BCAT2: variants seen among roughly 807,000 people sequenced by gnomAD.
The protein encoded by BCAT2 is branched-chain-amino-acid aminotransferase, mitochondrial.
BCAT2 carries 44 observed loss-of-function variants against 52.9 expected under a neutral mutation model. The ratio of observed to expected loss-of-function variants is 0.83; its 90% CI spans 0.65 to 1.07. The LOEUF is 1.07. Among genes scored for constraint, BCAT2 ranks in the 50% least tolerant of loss-of-function variants. BCAT2 has a pLI of 0.00. For synonymous variants in BCAT2, 215 were observed against 217.1 expected (o/e 0.99, Z 0.08); for missense variants, 478 against 521.8 (o/e 0.92, Z 0.82).
intron 10 of BCAT2, among the ~76,000 whole-genome samples, 178 bp from the exon 11 acceptor site, chr19:48,795,642 G>A (rs1479966482): frequency 3.3e-5 from 5 of 152,128 alleles, no homozygotes; most frequent in African/African-American, 1.2e-4. Context: ...CTAAGGCGGC[G>A]CAGAGGCTTC....
intron 6 of BCAT2, among the ~76,000 whole-genome samples, chr19:48,798,195 G>A (rs1031374265): frequency 2.0e-5 from 3 of 152,126 alleles, no homozygotes; most frequent in East Asian, 3.9e-4. Context: ...GTGAGCTACC[G>A]CGCCTGGCTC....
intron 6 of BCAT2, chr19:48,798,715 C>G (rs2034587457): frequency 6.6e-6 from 1 of 151,898 alleles, no homozygotes; most frequent in Admixed American, 6.6e-5. Flanking sequence ...AGCTCTGTCT[C>G]CTGGGTTCTC....
chr19:48,804,699 C>T (rs892769142), intron 3 of BCAT2, among the ~76,000 whole-genome samples: 2 of 152,172 alleles, frequency 1.3e-5, no homozygotes, highest in African/African-American at 2.4e-5. Context: ...CACAGCAGTG[C>T]GTTCTGTCTG....
chr19:48,797,440 C>A, intron 6 of BCAT2, 107 bp from the exon 7 acceptor site: 1 of 1,374,168 alleles, frequency 7.3e-7, no homozygotes, highest in South Asian at 1.3e-5. Flanking sequence ...GCTCACAGCT[C>A]TCACAGGGCT....
At chr19:48,797,154 T>G in intron 7 of BCAT2, 37 bp downstream of exon 7, 1 of 1,611,708 alleles carries the variant, frequency 6.2e-7, no homozygotes, top group Non-Finnish European at 8.5e-7. Context: ...GCCACCCACT[T>G]CCACCAGGGT....
Position 48,796,719 on chromosome 19 carries a change from C to G in BCAT2, c.925-1G>C, listed in dbSNP as rs762175962. On this transcript the variant is annotated splice_acceptor_variant, in intron 8 of 10. Transcript: ENST00000316273. LOFTEE classifies it high-confidence loss of function. The stretch of plus-strand genomic sequence containing the variant: ...TGCGCTCCACCACCCGGAACTCACC[C>G]TGCAGGGCAGTTGGCAGAGACACGT... 1 of 1,609,960 alleles carries G rather than the reference C, an allele frequency of 6.2e-7. No homozygotes were observed. The highest frequency in any genetic ancestry group is 8.5e-7 in the Non-Finnish European group (1 of 1,178,576).
At chr19:48,800,347 TGA>T in intron 3 of BCAT2, 50 bp from the exon 4 acceptor site, 1 of 1,515,578 alleles carries the variant, frequency 6.6e-7, no homozygotes, top group Non-Finnish European at 9.1e-7. Context: ...CAGACAGTCA[TGA>T]GAGACACCAA....
At chr19:48,806,473 GA>G (rs769538697) in intron 3 of BCAT2, 43 bp downstream of exon 3, 34 of 1,603,690 alleles carry the variant, frequency 2.1e-5, no homozygotes, top group Non-Finnish European at 2.8e-5. Context: ...CAAGGAGGAG[GA>G]GATGCAGACA....
chr19:48,795,941 GGCCAAAGGGATA>G (rs2034500405), intron 10 of BCAT2: 1 of 255,484 alleles, frequency 3.9e-6, no homozygotes, highest in African/African-American at 2.2e-5. Flanking sequence ...AGCTTTCTCC[GGCCAAAGGGATA>G]GCCCAGGGCT....
rs760180793 is a variant in BCAT2, at chr19:48,807,140, G to A, written c.25-66C>T. 7.6e-5 allele frequency: 102 copies of A among 1,348,216 alleles called. No individual in the cohort carries two copies. Among genetic ancestry groups the A allele is most frequent in the Non-Finnish European group, 9.8e-5 (95 of 965,404 alleles). 83.5% of individuals were successfully genotyped at this position (1,348,216 alleles called of 1,614,324 possible). On this transcript the variant is annotated intron_variant, in intron 1 of 10. Coordinates refer to ENST00000316273, the MANE Select transcript of BCAT2 (RefSeq NM_001190.4). The surrounding 1 kb of genome is among the most constrained non-coding windows in gnomAD (Gnocchi z 4.6). ...CAGCAGGGGCCCTGGCAGCTCGCTC[G>A]CCACCTCCTGCACTTGGAGGTCCCA... is the stretch of plus-strand genomic sequence containing the variant.
chr19:48,804,410 G>T (rs957671297), intron 3 of BCAT2, among the ~76,000 whole-genome samples: 2 of 151,896 alleles, frequency 1.3e-5, no homozygotes, highest in African/African-American at 4.8e-5. Context: ...CGGGTGTGGT[G>T]GCGGGCGCCT....
chr19:48,800,221 C>A lies in BCAT2; in HGVS notation c.377G>T (p.Arg126Leu), dbSNP rs1234657138. 1 of 1,613,758 alleles carries A rather than the reference C, an allele frequency of 6.2e-7. No homozygotes were observed. Among genetic ancestry groups the A allele is most frequent in the Non-Finnish European group, 8.5e-7 (1 of 1,180,026 alleles). Residue 126 changes from arginine to leucine, a missense_variant, in exon 4 of 11, where the codon CGG becomes CTG. By Grantham distance (102) the Arg-to-Leu change is moderately radical. Coordinates refer to ENST00000316273, the MANE Select transcript of BCAT2 (RefSeq NM_001190.4). ...RLFRPWLNMD[R>L]MLRSAMRLCL... ...CAGGCGCATGGCTGAGCGCAGCATCCGGTCCATGTTGAGCCAGGGGCGGAA... is the reference window on the plus strand; with the variant it reads ...CAGGCGCATGGCTGAGCGCAGCATCAGGTCCATGTTGAGCCAGGGGCGGAA...
chr19:48,801,928 C>T (rs1359007313), intron 3 of BCAT2, among the ~76,000 whole-genome samples: 6 of 150,810 alleles, frequency 4.0e-5, no homozygotes, highest in African/African-American at 9.7e-5. Context: ...TGAGCCACCA[C>T]GACTGGACTT....
chr19:48,810,749 TTTTTA>T, intron 1 of BCAT2: 1 of 1,254,124 alleles, frequency 8.0e-7, no homozygotes, highest in Non-Finnish European at 1.0e-6. Flanking sequence ...TTTTTTTTTT[TTTTTA>T]CCTCCCCGCC....
At chr19:48,797,132 A>G in intron 7 of BCAT2, 59 bp downstream of exon 7, 2 of 1,608,568 alleles carry the variant, frequency 1.2e-6, no homozygotes, top group Non-Finnish European at 1.7e-6. Flanking sequence ...GTAACCTGCC[A>G]GGAATGATGG....
chr19:48,795,331 T>G lies in BCAT2; in HGVS notation c.*95A>C. On this transcript the variant is annotated 3_prime_UTR_variant, in exon 11 of 11. Transcript: ENST00000316273. ...CAGACGCCGCCCGCTGGCCTTTTAT[T>G]TCGTATTGCACTTCAGGTGAGTCAT... 1 of 1,539,242 alleles carries G rather than the reference T, an allele frequency of 6.5e-7. No homozygotes were observed. The highest frequency in any genetic ancestry group is 8.9e-7 in the Non-Finnish European group (1 of 1,121,076).
At chr19:48,803,019 A>G (rs62125920) in intron 3 of BCAT2, among the ~76,000 whole-genome samples, 21,680 of 152,186 alleles carry the variant, frequency 0.14, 2,067 homozygotes, top group Non-Finnish European at 0.21. Flanking sequence ...ACAAAGTGAG[A>G]TCCTGTCTTT....
In BCAT2 at chr19:48,800,089, CT is replaced by C; in HGVS notation, c.422del (p.Lys141SerfsTer66). On this transcript the variant is annotated frameshift_variant, in exon 5 of 11. Transcript: ENST00000316273. LOFTEE classifies it high-confidence loss of function. Reference protein sequence around the residue: ...AMRLCLPSFDKLELLECIRRL... With the variant: ...AMRLCLPSFDXLELLECIRRL... Reference sequence around the variant, plus strand: ...GGCGGATGCACTCCAGCAACTCCAGCTTGTCGAAACTCTGGGTGGGATTCTG... The same window carrying C: ...GGCGGATGCACTCCAGCAACTCCAGCTGTCGAAACTCTGGGTGGGATTCTG... The C allele has an allele frequency of 6.2e-7, 1 of 1,613,962 alleles. No homozygotes were observed.
intron 3 of BCAT2, among the ~76,000 whole-genome samples, chr19:48,802,426 G>A (rs992774048): frequency 1.3e-5 from 2 of 148,706 alleles, no homozygotes; most frequent in East Asian, 2.0e-4. Flanking sequence ...AAGAAGGGAC[G>A]TGTGTACTGG....
Sources: allele counts gnomAD v4.1 joint callset (sites outside exome capture counted in the v4.1 genomes callset), GRCh38; gene constraint gnomAD v4.1.1; non-coding constraint Gnocchi (gnomAD v3.1); transcripts MANE v1.5; gene names NCBI Gene and HGNC (gene_info 2026-07-23, HGNC 2026-07-21).